The following GFI1B variants were observed in gnomAD, a reference collection of about 807,000 sequenced individuals.
GFI1B encodes the protein zinc finger protein Gfi-1b.
GFI1B carries 20 observed loss-of-function variants against 35.3 expected under a neutral mutation model. That is an observed-to-expected ratio of 0.57 (90% CI 0.40 to 0.82). The LOEUF (loss-of-function observed/expected upper bound fraction) is 0.82, where lower values mean the gene tolerates loss of function less well. GFI1B is among the 40% of genes least tolerant of loss of function. The probability of loss-of-function intolerance (pLI) is 0.00; values close to 1 mark genes in which losing one functional copy is unlikely to be tolerated. For missense variants in GFI1B, 430 were observed against 446.3 expected (o/e 0.96, Z 0.33); for synonymous variants, 178 against 177.6 (o/e 1.00, Z -0.02).
chr9:132,970,299 C>T (rs1218916646), intron 1 of GFI1B, among the ~76,000 whole-genome samples: 2 of 152,192 alleles, frequency 1.3e-5, no homozygotes, highest in Non-Finnish European at 2.9e-5. Flanking sequence ...CCACAGCAAG[C>T]TCCTCTGTTT....
chr9:132,968,002 G>A (rs1175704919), intron 1 of GFI1B, among the ~76,000 whole-genome samples: 4 of 152,086 alleles, frequency 2.6e-5, no homozygotes, highest in African/African-American at 7.2e-5. Flanking sequence ...GGTTGGTCTC[G>A]AACTCCTGAT....
Position 132,989,266 on chromosome 9 carries a change from G to T in GFI1B, c.648+68G>T. 2 of 1,513,058 alleles carry T rather than the reference G, an allele frequency of 1.3e-6. No individual in the cohort carries two copies. The highest frequency in any genetic ancestry group is 1.4e-5 in the African/African-American group (1 of 73,174). 93.7% of individuals were successfully genotyped at this position (1,513,058 alleles called of 1,614,324 possible). On this transcript the variant is annotated intron_variant, in intron 5 of 6. Coordinates refer to ENST00000372122, the MANE Select transcript of GFI1B (RefSeq NM_001377304.1). The surrounding 1 kb of genome is among the most constrained non-coding windows in gnomAD (Gnocchi z 6.2). ...CTCTGTGCTTCCCCAGGGAGCCTGG[G>T]GGCTGTGGCTGGGTCCCTCCCCCTG...
chr9:132,977,947 C>T (rs1013108034), upstream of GFI1B, among the ~76,000 whole-genome samples: 1 of 152,188 alleles, frequency 6.6e-6, no homozygotes, highest in African/African-American at 2.4e-5. Context: ...TCTACCCGCT[C>T]AAAGGTCATA....
In GFI1B at chr9:132,988,421, C is replaced by A. The variant is rs78837507; in HGVS notation, c.463C>A (p.Arg155Ser). The A allele has an allele frequency of 6.2e-7, 1 of 1,614,070 alleles. No homozygotes were observed. The highest frequency in any genetic ancestry group is 2.2e-5 in the East Asian group (1 of 44,880). ...TGAGCCCGCCTTGGACTTCAGCCTCCGCTACTCCCCAGGCATGGATGCGTA... is the reference window on the plus strand; with the variant it reads ...TGAGCCCGCCTTGGACTTCAGCCTCAGCTACTCCCCAGGCATGGATGCGTA... ...STEPALDFSL[R>S]YSPGMDAYHC... is the part of the protein sequence containing the mutation. Residue 155 changes from arginine to serine, a missense_variant, in exon 4 of 7, where the codon CGC (arginine) becomes AGC (serine). Physicochemically the swap from Arg to Ser is moderately radical, Grantham distance 110. Coordinates refer to ENST00000372122, the MANE Select transcript of GFI1B (RefSeq NM_001377304.1).
intron 1 of GFI1B, chr9:132,952,288 T>G (rs567599815): frequency 2.6e-5 from 4 of 152,158 alleles, no homozygotes; most frequent in African/African-American, 9.7e-5. Context: ...TATCACATCA[T>G]CTGAAAATAA....
At chr9:132,950,380 C>T (rs117780711) in intron 1 of GFI1B, among the ~76,000 whole-genome samples, 5,141 of 151,908 alleles carry the variant, frequency 0.034, 141 homozygotes, top group Non-Finnish European at 0.051. Context: ...CCATTCCTTC[C>T]ACCACACCGC....
intron 2 of GFI1B, among the ~76,000 whole-genome samples, chr9:132,973,150 T>C (rs1291715482): frequency 2.6e-5 from 4 of 152,140 alleles, no homozygotes; most frequent in African/African-American, 7.2e-5. Context: ...GACTGTTGGG[T>C]TCAGCTCATG....
intron 1 of GFI1B, among the ~76,000 whole-genome samples, chr9:132,960,901 G>T (rs1335389463): frequency 6.6e-6 from 1 of 151,860 alleles, no homozygotes; most frequent in Admixed American, 6.6e-5. Context: ...GCAATAAATT[G>T]TGCCGGGCCA....
chr9:132,950,994 C>T (rs1848193134), intron 1 of GFI1B, among the ~76,000 whole-genome samples: 1 of 151,906 alleles, frequency 6.6e-6, no homozygotes, highest in African/African-American at 2.4e-5. Flanking sequence ...TGTGGTATCA[C>T]ACCCAGCTAA....
At chr9:132,988,551 T>G in intron 4 of GFI1B, 83 bp downstream of exon 4, 18 of 1,278,988 alleles carry the variant, frequency 1.4e-5, no homozygotes, top group Non-Finnish European at 1.8e-5. Flanking sequence ...GGGCGTTCTC[T>G]GTGCTGTGAA....
intron 1 of GFI1B, among the ~76,000 whole-genome samples, chr9:132,960,923 G>A (rs368486720): frequency 3.9e-5 from 6 of 152,154 alleles, no homozygotes; most frequent in Admixed American, 2.0e-4. Flanking sequence ...ACTCCGCAGC[G>A]TGTTGGATGT....
chr9:132,981,025 A>T (rs1225969856), intron 1 of GFI1B, among the ~76,000 whole-genome samples: 9 of 152,120 alleles, frequency 5.9e-5, no homozygotes, highest in Non-Finnish European at 1.2e-4. Flanking sequence ...CCTCCTGGGT[A>T]GCTGGGATTA....
chr9:132,984,462 A>G (rs564358281), intron 1 of GFI1B, among the ~76,000 whole-genome samples: 18 of 152,290 alleles, frequency 1.2e-4, no homozygotes, highest in Admixed American at 8.5e-4. Flanking sequence ...GAGGCCTTCA[A>G]GGTCCTTTCT....
rs1251798836 is a variant in GFI1B, at chr9:132,988,285, C to T, written c.327C>T (p.Asp109=). 4.3e-6 allele frequency: 7 copies of T among 1,614,008 alleles called. No individual in the cohort carries two copies. Among genetic ancestry groups the T allele is most frequent in the Non-Finnish European group, 5.9e-6 (7 of 1,179,946 alleles). ...PPFYKPSFSW[D]TLATTYGHSY... ...TCTACAAGCCTAGCTTCTCCTGGGA[C>T]ACCTTGGCCACAACCTATGGCCACA... The change falls in exon 4 of 7, where the codon GAC becomes GAT. Residue 109 remains aspartate (D), a synonymous_variant. Coordinates refer to ENST00000372122, the MANE Select transcript of GFI1B (RefSeq NM_001377304.1).
rs373691272 is a variant in GFI1B at position 132,987,381 on chromosome 9, A to G, written c.200A>G (p.Glu67Gly). 1.1e-5 allele frequency: 18 copies of G among 1,614,136 alleles called. No homozygotes were observed. Among genetic ancestry groups the G allele is most frequent in the Non-Finnish European group, 1.4e-5 (17 of 1,180,046 alleles). ...WTNLKREPEL[E>G]QDQNLARMAP... ...AACCTCAAACGAGAGCCGGAGCTGGAGCAGGACCAGAACTTGGCCAGGATG... is the reference window on the plus strand; with the variant it reads ...AACCTCAAACGAGAGCCGGAGCTGGGGCAGGACCAGAACTTGGCCAGGATG... Residue 67 changes from glutamate to glycine, a missense_variant, in exon 3 of 7, where the codon GAG (glutamate) becomes GGG (glycine). Glu to Gly is a moderately conservative substitution (Grantham distance 98). Transcript: ENST00000372122.
downstream of GFI1B, among the ~76,000 whole-genome samples, chr9:132,992,162 C>T (rs751225581): frequency 6.6e-6 from 1 of 152,132 alleles, no homozygotes; most frequent in Non-Finnish European, 1.5e-5. Flanking sequence ...CTTCCTCTGC[C>T]TTCAAAGCAC....
At chr9:132,962,067 T>TACACAC (rs145131246) in intron 1 of GFI1B, among the ~76,000 whole-genome samples, 2,863 of 143,966 alleles carry the variant, frequency 0.02, 81 homozygotes, top group African/African-American at 0.062. Context: ...ACCTACACTC[T>TACACAC]ACACACACAC....
chr9:132,989,067 T>C lies in GFI1B; in HGVS notation c.517T>C (p.Ser173Pro). 1 of 1,613,968 alleles carries C rather than the reference T, an allele frequency of 6.2e-7. No individual in the cohort carries two copies. The highest frequency in any genetic ancestry group is 8.5e-7 in the Non-Finnish European group (1 of 1,179,904). The change falls in exon 5 of 7, where the codon TCC becomes CCC. Residue 173 changes from serine to proline, a missense_variant. Ser to Pro is a moderately conservative substitution (Grantham distance 74). Coordinates refer to ENST00000372122, the MANE Select transcript of GFI1B (RefSeq NM_001377304.1). This position sits in a 1 kb window ranked among gnomAD's most constrained non-coding sequence, Gnocchi z 6.2. Reference protein sequence around the residue: ...YHCVKCNKVFSTPHGLEVHVR... With the variant: ...YHCVKCNKVFPTPHGLEVHVR... ...ATGCTGCCCCTGCTCCCAGGTCTTC[T>C]CCACCCCTCACGGGCTCGAAGTGCA...
At chr9:132,976,259 C>T (rs909914342), upstream of GFI1B, among the ~76,000 whole-genome samples, 1 of 152,074 alleles carries the variant, frequency 6.6e-6, no homozygotes, top group Non-Finnish European at 1.5e-5. Context: ...AGGCTGCAAA[C>T]GAACTTAGGA....
Sources: allele counts gnomAD v4.1 joint callset (sites outside exome capture counted in the v4.1 genomes callset), GRCh38; gene constraint gnomAD v4.1.1; non-coding constraint Gnocchi (gnomAD v3.1); transcripts MANE v1.5; gene names NCBI Gene and HGNC (gene_info 2026-07-23, HGNC 2026-07-21).